Variants in RIC8B observed in about 807,000 individuals in gnomAD.
The protein encoded by RIC8B is chaperone Ric-8B.
In RIC8B, 16 loss-of-function variants were observed where a neutral mutation model predicts 57.5. That is an observed-to-expected ratio of 0.28 (90% CI 0.19 to 0.42). The LOEUF is 0.42. Among genes scored for constraint, RIC8B ranks in the 10% least tolerant of loss-of-function variants. RIC8B has a pLI of 1.00. For missense variants in RIC8B, 481 were observed against 677.0 expected (o/e 0.71, Z 3.21); for synonymous variants, 216 against 250.8 (o/e 0.86, Z 1.31).
At chr12:106,866,615 C>T (rs988619920) in intron 8 of RIC8B, among the ~76,000 whole-genome samples, 1 of 152,076 alleles carries the variant, frequency 6.6e-6, no homozygotes, top group African/African-American at 2.4e-5. Context: ...ATTTAGCCCA[C>T]AAGTATGTTT....
chr12:106,873,889 A>G (rs1042342269), intron 9 of RIC8B, among the ~76,000 whole-genome samples: 2 of 152,236 alleles, frequency 1.3e-5, no homozygotes, highest in African/African-American at 4.8e-5. Context: ...ATGACCATTC[A>G]TTCCAGGTGG....
intron 1 of RIC8B, among the ~76,000 whole-genome samples, chr12:106,777,438 G>A (rs2043544988): frequency 6.6e-6 from 1 of 152,132 alleles, no homozygotes; most frequent in African/African-American, 2.4e-5. Flanking sequence ...TTCCTTATCT[G>A]GAAAAATGGA....
At chr12:106,857,705 GCAGT>G (rs1359872254) in intron 7 of RIC8B, among the ~76,000 whole-genome samples, 1 of 152,104 alleles carries the variant, frequency 6.6e-6, no homozygotes, top group African/African-American at 2.4e-5. Flanking sequence ...ACATCCAAGT[GCAGT>G]CAGTTTTCCG....
At chr12:106,792,020 G>A (rs544820646) in intron 2 of RIC8B, among the ~76,000 whole-genome samples, 1 of 152,262 alleles carries the variant, frequency 6.6e-6, no homozygotes, top group East Asian at 1.9e-4. Context: ...TTTATTTGGT[G>A]TCTTTGCTTG....
chr12:106,881,826 A>T (rs982844681), intron 9 of RIC8B, among the ~76,000 whole-genome samples: 2 of 152,166 alleles, frequency 1.3e-5, no homozygotes, highest in Admixed American at 6.5e-5. Context: ...GGATGGGGGT[A>T]TGAGAAATAA....
intron 4 of RIC8B, among the ~76,000 whole-genome samples, chr12:106,829,057 T>C (rs149654353): frequency 4.5e-4 from 69 of 152,356 alleles, no homozygotes; most frequent in African/African-American, 1.5e-3. Context: ...GACATAGAGA[T>C]GAAATGAGTT....
intron 1 of RIC8B, among the ~76,000 whole-genome samples, chr12:106,779,757 T>C (rs2043667408): frequency 6.6e-6 from 1 of 151,726 alleles, no homozygotes; most frequent in Admixed American, 6.6e-5. Context: ...TTGGCTACTG[T>C]TGGGTCCTAA....
intron 1 of RIC8B, among the ~76,000 whole-genome samples, chr12:106,775,793 A>G (rs184274837): frequency 8.3e-4 from 127 of 152,358 alleles, no homozygotes; most frequent in Non-Finnish European, 1.5e-3. Flanking sequence ...ACTGCTTTAT[A>G]GGAATGACTG....
At chr12:106,873,108 G>C in intron 9 of RIC8B, 3 of 985,348 alleles carry the variant, frequency 3.0e-6, no homozygotes, top group Non-Finnish European at 3.6e-6. Context: ...GCTTCCACCT[G>C]ATTTAAACTA....
chr12:106,803,074 C>T (rs997994952), intron 2 of RIC8B, among the ~76,000 whole-genome samples: 1 of 151,570 alleles, frequency 6.6e-6, no homozygotes, highest in Non-Finnish European at 1.5e-5. Context: ...TAGCTGAACA[C>T]AGTTAATTGG....
chr12:106,810,105 A>G (rs2045266999), intron 2 of RIC8B, among the ~76,000 whole-genome samples: 1 of 150,428 alleles, frequency 6.6e-6, no homozygotes, highest in South Asian at 2.1e-4. Context: ...AGTGCTTATT[A>G]TGTCCCAGCG....
intron 6 of RIC8B, among the ~76,000 whole-genome samples, chr12:106,845,841 G>A (rs1229997515): frequency 6.6e-6 from 1 of 152,110 alleles, no homozygotes; most frequent in Non-Finnish European, 1.5e-5. Flanking sequence ...GTTTATCAGA[G>A]TCACCAACTC....
chr12:106,786,937 TGA>T (rs1271648465), intron 2 of RIC8B, among the ~76,000 whole-genome samples: 1 of 152,234 alleles, frequency 6.6e-6, no homozygotes, highest in Admixed American at 6.5e-5. Flanking sequence ...CTTAGAAATC[TGA>T]CATTAGAGTC....
intron 4 of RIC8B, among the ~76,000 whole-genome samples, chr12:106,836,181 A>G (rs558100553): frequency 6.6e-6 from 1 of 152,236 alleles, no homozygotes; most frequent in East Asian, 1.9e-4. Flanking sequence ...CCTCTTACCT[A>G]ACTAATTGTA....
At chr12:106,873,320 G>A (rs1397584822) in intron 9 of RIC8B, 2 of 292,972 alleles carry the variant, frequency 6.8e-6, no homozygotes, top group Non-Finnish European at 1.0e-5. Flanking sequence ...CGTGTGTTGG[G>A]CGTTTTACAT....
At chr12:106,837,648 T>G (rs1322846509) in intron 4 of RIC8B, among the ~76,000 whole-genome samples, 3 of 148,498 alleles carry the variant, frequency 2.0e-5, no homozygotes, top group South Asian at 4.3e-4. Flanking sequence ...TGTTTTTTTT[T>G]TTTTTTTTTT....
At chr12:106,832,271 T>C (rs1566103887) in intron 4 of RIC8B, among the ~76,000 whole-genome samples, 1 of 152,220 alleles carries the variant, frequency 6.6e-6, no homozygotes, top group Non-Finnish European at 1.5e-5. Flanking sequence ...TTTTTATTTT[T>C]CCACTTGTTT....
intron 2 of RIC8B, among the ~76,000 whole-genome samples, chr12:106,804,133 A>G (rs180834502): frequency 2.1e-4 from 32 of 152,276 alleles, no homozygotes; most frequent in African/African-American, 7.5e-4. Context: ...TTTATTGACT[A>G]ATTCTAGGGT....
At chr12:106,872,294 A>G (rs920669265) in intron 9 of RIC8B, among the ~76,000 whole-genome samples, 2 of 152,244 alleles carry the variant, frequency 1.3e-5, no homozygotes, top group Non-Finnish European at 2.9e-5. Flanking sequence ...ATATATAAAG[A>G]TAAGATGTGT....
Sources: gnomAD v4.1 joint callset for allele counts (sites outside exome capture counted in the v4.1 genomes callset) on GRCh38, gnomAD v4.1.1 for gene constraint, MANE v1.5 for transcripts, NCBI Gene and HGNC (gene_info 2026-07-23, HGNC 2026-07-21) for gene names.